Variants in SCN8A observed in about 807,000 individuals in gnomAD.
SCN8A encodes the protein sodium channel protein type 8 subunit alpha.
Under a neutral mutation model 184.1 loss-of-function variants are expected in SCN8A, and 30 were observed. The ratio of observed to expected loss-of-function variants is 0.16; its 90% confidence interval spans 0.12 to 0.22. The LOEUF is 0.22. Among genes scored for constraint, SCN8A ranks in the 10% least tolerant of loss-of-function variants. SCN8A has a pLI of 1.00. For synonymous variants in SCN8A, 852 were observed against 907.0 expected (o/e 0.94, Z 1.09); for missense variants, 1,057 against 2,498.9 (o/e 0.42, Z 12.30).
chr12:51,721,975 A>C, intron 12 of SCN8A, 67 bp downstream of exon 12: 1 of 1,598,930 alleles, frequency 6.3e-7, no homozygotes, highest in Middle Eastern at 1.7e-4. Flanking sequence ...GAGGCTAGGC[A>C]TGGCAGTCTC....
At chr12:51,748,367 C>A (rs1343792421) in intron 13 of SCN8A, among the ~76,000 whole-genome samples, 2 of 152,066 alleles carry the variant, frequency 1.3e-5, no homozygotes, top group Non-Finnish European at 2.9e-5. Flanking sequence ...AATTAGAAAA[C>A]CCTGCCTGCT....
At chr12:51,791,870 C>T (rs1938263462) in intron 25 of SCN8A, among the ~76,000 whole-genome samples, 1 of 151,836 alleles carries the variant, frequency 6.6e-6, no homozygotes, top group South Asian at 2.1e-4. Context: ...AGGGAGGGAC[C>T]CTGTCTCAAA....
At chr12:51,657,053 T>C (rs529150030) in intron 1 of SCN8A, among the ~76,000 whole-genome samples, 5 of 152,256 alleles carry the variant, frequency 3.3e-5, no homozygotes, top group African/African-American at 1.2e-4. Flanking sequence ...TAAGTACATG[T>C]GTGTGCACTG....
intron 12 of SCN8A, among the ~76,000 whole-genome samples, chr12:51,740,568 A>G (rs528554716): frequency 1.3e-5 from 2 of 152,346 alleles, no homozygotes; most frequent in South Asian, 4.1e-4. Context: ...GTGACCTAAC[A>G]TATGGTCTGT....
intron 14 of SCN8A, among the ~76,000 whole-genome samples, chr12:51,753,993 T>C (rs928567101): frequency 1.3e-5 from 2 of 151,954 alleles, no homozygotes; most frequent in African/African-American, 4.8e-5. Context: ...TGTCTTTGTC[T>C]GTAGACATAC....
rs2138862977 is a variant in SCN8A at position 51,765,918 on chromosome 12, G to A, written c.2792G>A (p.Arg931Gln). ...TTCCATTCCTTCCTCATTGTCTTTC[G>A]AGTGTTGTGCGGGGAGTGGATTGAG... ...DFFHSFLIVF[R>Q]VLCGEWIETM... The change falls in exon 16 of 27, where the codon CGA becomes CAA. Residue 931 changes from arginine (R) to glutamine (Q), a missense_variant. Physicochemically the swap from Arg to Gln is conservative, Grantham distance 43. Transcript: ENST00000627620. 1 of 1,614,070 alleles carries A rather than the reference G, an allele frequency of 6.2e-7. No individual in the cohort carries two copies. The highest frequency in any genetic ancestry group is 8.5e-7 in the Non-Finnish European group (1 of 1,180,012).
At chr12:51,601,666 C>G (rs10876201) in intron 1 of SCN8A, among the ~76,000 whole-genome samples, 2 of 151,978 alleles carry the variant, frequency 1.3e-5, no homozygotes, top group Non-Finnish European at 2.9e-5. Context: ...AAATTAAAGT[C>G]TGACCCTTGG....
chr12:51,671,225 A>T (rs1214924576), intron 2 of SCN8A, among the ~76,000 whole-genome samples: 1 of 152,214 alleles, frequency 6.6e-6, no homozygotes, highest in Non-Finnish European at 1.5e-5. Context: ...CAGAAATAAA[A>T]TATACTTGAG....
chr12:51,770,142 C>A, intron 18 of SCN8A, 157 bp downstream of exon 18: 1 of 634,636 alleles, frequency 1.6e-6, no homozygotes, highest in Non-Finnish European at 2.8e-6. Flanking sequence ...GATTGTTTCC[C>A]CTATTTGTAT....
intron 2 of SCN8A, among the ~76,000 whole-genome samples, chr12:51,681,006 AAATAATAAT>A (rs953949414): frequency 6.6e-6 from 1 of 151,934 alleles, no homozygotes; most frequent in Non-Finnish European, 1.5e-5. Flanking sequence ...CTCTGTCTCA[AAATAATAAT>A]AATAATAATA....
Position 51,736,810 on chromosome 12 carries a change from A to G in SCN8A, c.1999-9093A>G, listed in dbSNP as rs186863171. Among the ~76,000 whole-genome samples, 83 of 152,376 alleles carry G rather than the reference A, an allele frequency of 5.4e-4. 1 individual carries two copies. The highest frequency in any genetic ancestry group is 1.2e-3 in the South Asian group (6 of 4,828). ...GTGAACCACATATGAAGAATCAGAA[A>G]TCACATTAATAGGCATTTCAAAAGC... On this transcript the variant is annotated intron_variant, in intron 12 of 26. Transcript: ENST00000627620.
intron 2 of SCN8A, among the ~76,000 whole-genome samples, chr12:51,681,712 G>T (rs555812542): frequency 6.6e-6 from 1 of 152,178 alleles, no homozygotes; most frequent in African/African-American, 2.4e-5. Flanking sequence ...CACTAGGGAT[G>T]GTGTAGTGGG....
rs554033918 is a variant in SCN8A at position 51,698,019 on chromosome 12, A to G, written c.707-1551A>G. Among the ~76,000 whole-genome samples the G allele has an allele frequency of 5.3e-5, 8 of 151,988 alleles. No individual in the cohort carries two copies. The South Asian group carries it at 1.7e-3, about 32-fold the overall frequency. ...CAGGCGTATGCCACCACACCTGGCT[A>G]ATTTTTGTATTTTTAGTAGAGATGG... On this transcript the variant is annotated intron_variant, in intron 6 of 26. Transcript: ENST00000627620.
At chr12:51,701,499 A>G (rs1415906545) in intron 8 of SCN8A, among the ~76,000 whole-genome samples, 3 of 152,194 alleles carry the variant, frequency 2.0e-5, no homozygotes, top group African/African-American at 7.2e-5. Flanking sequence ...CTCTCATCCT[A>G]TAGTACAATA....
intron 11 of SCN8A, among the ~76,000 whole-genome samples, chr12:51,714,022 T>G (rs1470422751): frequency 6.6e-6 from 1 of 151,974 alleles, no homozygotes; most frequent in Non-Finnish European, 1.5e-5. Context: ...TAATCTGTAA[T>G]GTAATAGAAA....
At chr12:51,678,009 A>T (rs764320916) in intron 2 of SCN8A, among the ~76,000 whole-genome samples, 4 of 152,232 alleles carry the variant, frequency 2.6e-5, no homozygotes, top group Non-Finnish European at 4.4e-5. Flanking sequence ...TTTCCACTAT[A>T]TCTAGGCTTT....
chr12:51,770,050 AGG>A, intron 18 of SCN8A, 65 bp downstream of exon 18: 20 of 1,166,026 alleles, frequency 1.7e-5, no homozygotes, highest in Non-Finnish European at 2.5e-5. Context: ...CAGTTGTGCC[AGG>A]GCTAGTGGTG....
intron 1 of SCN8A, among the ~76,000 whole-genome samples, chr12:51,657,925 A>G (rs746841716): frequency 2.0e-5 from 3 of 152,158 alleles, no homozygotes; most frequent in Middle Eastern, 3.4e-3. Context: ...TCAGTTGGCT[A>G]TTAATATGTG....
At chr12:51,687,039 C>T in intron 4 of SCN8A, 52 bp from the exon 5 acceptor site, 1 of 1,605,470 alleles carries the variant, frequency 6.2e-7, no homozygotes, top group Non-Finnish European at 8.5e-7. Context: ...TTAAAAGGTT[C>T]ATTTAAAGTT....
Sources: allele counts gnomAD v4.1 joint callset (sites outside exome capture counted in the v4.1 genomes callset), GRCh38; gene constraint gnomAD v4.1.1; transcripts MANE v1.5; gene names NCBI Gene and HGNC (gene_info 2026-07-23, HGNC 2026-07-21).